The following SLC51A variants were observed in gnomAD, a reference collection of about 807,000 sequenced individuals.
SLC51A encodes organic solute transporter subunit alpha.
SLC51A carries 22 observed loss-of-function variants against 34.8 expected under a neutral mutation model. The observed-to-expected ratio is 0.63, with a 90% CI of 0.45 to 0.90. The LOEUF (loss-of-function observed/expected upper bound fraction) is 0.90. SLC51A is among the 40% of genes least tolerant of loss of function. SLC51A has a pLI of 0.00. For missense variants in SLC51A, 371 were observed against 414.8 expected (o/e 0.89, Z 0.92); for synonymous variants, 181 against 176.3 (o/e 1.03, Z -0.21).
Position 196,228,811 on chromosome 3 carries a change from A to G in SLC51A, c.524A>G (p.Lys175Arg). Residue 175 changes from lysine to arginine, a missense_variant and splice_region_variant, in exon 6 of 9, where the codon AAG (lysine) becomes AGG (arginine). By Grantham distance (26) the Lys-to-Arg change is conservative (BLOSUM62 2). Coordinates refer to ENST00000296327, the MANE Select transcript of SLC51A (RefSeq NM_152672.6). This position sits in a 1 kb window ranked among gnomAD's most constrained non-coding sequence, Gnocchi z 4.9. ...PCCPRLLLTR[K>R]KLQLLMLGPF... ...TCCTAACCCTCTTCCCCACTCAGGA[A>G]GAAGCTTCAGCTGCTGATGTTGGGC... The G allele has an allele frequency of 1.2e-6, 2 of 1,613,844 alleles. No homozygotes were observed. The highest frequency in any genetic ancestry group is 3.3e-5 in the Admixed American group (2 of 60,014).
At chr3:196,217,625 A>AGAAG (rs1241442195) in intron 1 of SLC51A, among the ~76,000 whole-genome samples, 5 of 151,072 alleles carry the variant, frequency 3.3e-5, no homozygotes, top group African/African-American at 7.3e-5. Flanking sequence ...AAGAGAGAGC[A>AGAAG]GAAGGAAGGA....
intron 2 of SLC51A, among the ~76,000 whole-genome samples, 196 bp downstream of exon 2, chr3:196,218,132 G>A (rs1472318754): frequency 6.6e-6 from 1 of 152,222 alleles, no homozygotes; most frequent in Non-Finnish European, 1.5e-5. Context: ...GGTAGCATGA[G>A]AGCCTGGCTC....
chr3:196,221,075 T>C (rs372201628), intron 2 of SLC51A, among the ~76,000 whole-genome samples: 51 of 151,348 alleles, frequency 3.4e-4, no homozygotes, highest in African/African-American at 1.2e-3. Flanking sequence ...TATTTTTTTG[T>C]AGAGGTGGAG....
chr3:196,229,152 C>T (rs1225468687), intron 6 of SLC51A, among the ~76,000 whole-genome samples: 1 of 152,106 alleles, frequency 6.6e-6, no homozygotes, highest in African/African-American at 2.4e-5. Context: ...CACCAGGTGC[C>T]ATGATGCATG....
chr3:196,227,940 C>A, intron 4 of SLC51A, 175 bp from the exon 5 acceptor site: 1 of 990,342 alleles, frequency 1.0e-6, no homozygotes, highest in Non-Finnish European at 1.5e-6. Flanking sequence ...TCTGTTCCCA[C>A]AGTCTGAAAT....
At chr3:196,232,370 C>T (rs1440785711) in intron 7 of SLC51A, 49 bp from the exon 8 acceptor site, 5 of 1,475,804 alleles carry the variant, frequency 3.4e-6, no homozygotes, top group Non-Finnish European at 4.7e-6. Flanking sequence ...GCGTTCTGTG[C>T]CGTGAGGGCA....
In SLC51A at chr3:196,228,336, C is replaced by T. The variant is rs1182658453; in HGVS notation, c.521+63C>T. Reference sequence around the variant, plus strand: ...GAGCCTCTCCTGGACCCCTGGTCCCCTTCAAGGCTCTGGGAATTAGGCGTG... The same window carrying T: ...GAGCCTCTCCTGGACCCCTGGTCCCTTTCAAGGCTCTGGGAATTAGGCGTG... On this transcript the variant is annotated intron_variant, in intron 5 of 8. Transcript: ENST00000296327. The surrounding 1 kb of genome is among the most constrained non-coding windows in gnomAD (Gnocchi z 4.9). 7 of 1,540,862 alleles carry T rather than the reference C, an allele frequency of 4.5e-6. No homozygotes were observed. The highest frequency in any genetic ancestry group is 6.1e-6 in the Non-Finnish European group (7 of 1,148,906).
intron 7 of SLC51A, among the ~76,000 whole-genome samples, chr3:196,230,984 G>A (rs1298068747): frequency 6.6e-6 from 1 of 152,128 alleles, no homozygotes; most frequent in African/African-American, 2.4e-5. Flanking sequence ...CCTTACATTT[G>A]TCTCCTTGCT....
At chr3:196,225,637 C>T (rs1212411147) in intron 2 of SLC51A, 2 of 152,200 alleles carry the variant, frequency 1.3e-5, no homozygotes, top group Non-Finnish European at 2.9e-5. Flanking sequence ...CACTAAGGAC[C>T]TAGAACCCTT....
intron 2 of SLC51A, among the ~76,000 whole-genome samples, chr3:196,226,127 G>A (rs1170109003): frequency 6.6e-6 from 1 of 152,132 alleles, no homozygotes; most frequent in Non-Finnish European, 1.5e-5. Flanking sequence ...GACCAGTCTG[G>A]GCAACGTAGT....
At position 196,228,849 on chromosome 3, in the gene SLC51A, G is replaced by T; in HGVS notation, c.562G>T (p.Ala188Ser). The T allele has an allele frequency of 5.6e-6, 9 of 1,614,112 alleles. No individual in the cohort carries two copies. The highest frequency in any genetic ancestry group is 7.6e-6 in the Non-Finnish European group (9 of 1,180,024). Reference protein sequence around the residue: ...QLLMLGPFQYAFLKITLTLVG... With the variant: ...QLLMLGPFQYSFLKITLTLVG... ...GCTGATGTTGGGCCCTTTCCAATAC[G>T]CCTTCTTGAAGATAACGCTGACCCT... The change falls in exon 6 of 9, where the codon GCC becomes TCC. Residue 188 changes from alanine to serine, a missense_variant. Ala to Ser is a moderately conservative substitution (Grantham distance 99). Coordinates refer to ENST00000296327, the MANE Select transcript of SLC51A (RefSeq NM_152672.6). This position sits in a 1 kb window ranked among gnomAD's most constrained non-coding sequence, Gnocchi z 4.9.
At position 196,233,046 on chromosome 3, in the gene SLC51A, T is replaced by C; in HGVS notation, c.887-17T>C. The C allele has an allele frequency of 6.2e-7, 1 of 1,613,502 alleles. No individual in the cohort carries two copies. The highest frequency in any genetic ancestry group is 1.1e-5 in the South Asian group (1 of 91,000). On this transcript the variant is annotated splice_polypyrimidine_tract_variant and intron_variant, in intron 8 of 8. Transcript: ENST00000296327. ...TAACTCAGCATAACCTACGCTGTAT[T>C]TCACCCTACACTGCAGTGATGAATT...
At chr3:196,223,897 T>C (rs1322182654) in intron 2 of SLC51A, 17 of 406,872 alleles carry the variant, frequency 4.2e-5, no homozygotes, top group Middle Eastern at 1.7e-3. Context: ...TCTGGCTCTG[T>C]GGCCCAGGCT....
chr3:196,225,806 T>A (rs1723877915), intron 2 of SLC51A: 1 of 152,220 alleles, frequency 6.6e-6, no homozygotes, highest in South Asian at 2.1e-4. Context: ...GGTGAGCTTG[T>A]TAAAAATGCA....
Position 196,216,615 on chromosome 3 carries a change from C to A in SLC51A, c.-98C>A. The A allele has an allele frequency of 1.6e-6, 2 of 1,250,056 alleles. No individual in the cohort carries two copies. Among genetic ancestry groups the A allele is most frequent in the South Asian group, 1.3e-5 (1 of 78,120 alleles). The allele number at this position is 1,250,056 out of a possible 1,614,324, so 77.4% of individuals were successfully genotyped here. A position where few individuals can be genotyped will look rare whatever the true frequency, so the allele number is the denominator to read the frequency against. ...CTGCAATTCTGCTTGCCCCCCACCC[C>A]GGCCCAGGCAAGCCACCCTGCCCCC... On this transcript the variant is annotated 5_prime_UTR_variant, in exon 1 of 9. Transcript: ENST00000296327. The surrounding 1 kb of genome is among the most constrained non-coding windows in gnomAD (Gnocchi z 4.5).
intron 1 of SLC51A, 44 bp from the exon 2 acceptor site, chr3:196,217,797 TC>T: frequency 6.4e-7 from 1 of 1,570,498 alleles, no homozygotes; most frequent in Non-Finnish European, 8.7e-7. Flanking sequence ...CCCTCCCCCT[TC>T]CCCCAGCCCC....
In SLC51A at chr3:196,228,168, G is replaced by C. The variant is rs200310192; in HGVS notation, c.416G>C (p.Gly139Ala). Residue 139 changes from glycine (G) to alanine (A), a missense_variant, in exon 5 of 9, where the codon GGG (glycine) becomes GCG (alanine). Coordinates refer to ENST00000296327, the MANE Select transcript of SLC51A (RefSeq NM_152672.6). The surrounding 1 kb of genome is among the most constrained non-coding windows in gnomAD (Gnocchi z 4.9). Reference protein sequence around the residue: ...LLMLVMVEGFGGKEAVLRTLR... With the variant: ...LLMLVMVEGFAGKEAVLRTLR... ...ATGCTGGTCATGGTGGAAGGCTTTG[G>C]GGGGAAGGAGGCAGTGCTGAGGACG... 37 of 1,614,018 alleles carry C rather than the reference G, an allele frequency of 2.3e-5. No individual in the cohort carries two copies. The highest frequency in any genetic ancestry group is 4.5e-5 in the East Asian group (2 of 44,890).
intron 3 of SLC51A, 160 bp downstream of exon 3, chr3:196,227,279 C>T (rs1053702134): frequency 6.5e-5 from 46 of 705,154 alleles, no homozygotes; most frequent in Non-Finnish European, 9.8e-5. Flanking sequence ...CAGTTAGGAT[C>T]CTCTGCTTGG....
chr3:196,232,329 C>G, intron 7 of SLC51A, 90 bp from the exon 8 acceptor site: 1 of 948,294 alleles, frequency 1.1e-6, no homozygotes, highest in South Asian at 1.4e-5. Flanking sequence ...ACCTGCCCAG[C>G]GGAAGGGCAA....
Sources: gnomAD v4.1 joint callset for allele counts (sites outside exome capture counted in the v4.1 genomes callset) on GRCh38, gnomAD v4.1.1 for gene constraint, Gnocchi (gnomAD v3.1) non-coding constraint, MANE v1.5 for transcripts, NCBI Gene and HGNC (gene_info 2026-07-23, HGNC 2026-07-21) for gene names.